ABTB3: variants seen among roughly 807,000 people sequenced by gnomAD.
The protein encoded by ABTB3 is ankyrin repeat- and BTB/POZ domain-containing protein 3.
the ABTB3 span, among the ~76,000 whole-genome samples, chr12:107,647,027 G>A: frequency 3.3e-5 from 5 of 152,224 alleles, no homozygotes; most frequent in Admixed American, 3.3e-4. Context: ...TGAGTGGTCC[G>A]AGCATAAAAG....
At chr12:107,631,114 T>C in the ABTB3 span, among the ~76,000 whole-genome samples, 1,914 of 152,290 alleles carry the variant, frequency 0.013, 24 homozygotes, top group Middle Eastern at 0.041. Flanking sequence ...CTCCTACCTC[T>C]TTTGGATCCC....
chr12:107,534,580 TA>T, the ABTB3 span, among the ~76,000 whole-genome samples: 2 of 151,752 alleles, frequency 1.3e-5, no homozygotes, highest in Admixed American at 1.3e-4. Flanking sequence ...AAGTCCCAAA[TA>T]AATAAAATCA....
chr12:107,440,163 G>A, the ABTB3 span, among the ~76,000 whole-genome samples: 15 of 152,262 alleles, frequency 9.9e-5, no homozygotes, highest in East Asian at 2.1e-3. Context: ...TCATCACTGC[G>A]GTCAGCATCC....
the ABTB3 span, among the ~76,000 whole-genome samples, chr12:107,615,475 G>A: frequency 5.9e-5 from 9 of 152,168 alleles, no homozygotes; most frequent in East Asian, 1.9e-4. Flanking sequence ...TTTGCTTGTC[G>A]CAACATGAAC....
At chr12:107,351,444 GCCTGGCTTCTAATGC>G in the ABTB3 span, among the ~76,000 whole-genome samples, 1 of 152,316 alleles carries the variant, frequency 6.6e-6, no homozygotes, top group African/African-American at 2.4e-5. Flanking sequence ...TGGAGGAATG[GCCTGGCTTCTAATGC>G]CCTACTATGA....
chr12:107,414,520 A>C, the ABTB3 span, among the ~76,000 whole-genome samples: 1,253 of 152,262 alleles, frequency 8.2e-3, 26 homozygotes, highest in African/African-American at 0.028. Context: ...TATTGGCAAT[A>C]ATATAGTAAC....
At chr12:107,347,868 G>A in the ABTB3 span, among the ~76,000 whole-genome samples, 1 of 152,078 alleles carries the variant, frequency 6.6e-6, no homozygotes, top group South Asian at 2.1e-4. Context: ...AGGACATCCA[G>A]ATGTGCAGTT....
At chr12:107,593,961 C>G in the ABTB3 span, among the ~76,000 whole-genome samples, 1 of 152,212 alleles carries the variant, frequency 6.6e-6, no homozygotes, top group African/African-American at 2.4e-5. Context: ...GCAAGAGATT[C>G]TGGGAAATGT....
the ABTB3 span, among the ~76,000 whole-genome samples, chr12:107,531,557 C>A: frequency 6.6e-6 from 1 of 152,104 alleles, no homozygotes; most frequent in African/African-American, 2.4e-5. Flanking sequence ...TGTCTCCGTT[C>A]CTCTCAATCC....
chr12:107,649,290 T>G, the ABTB3 span: 1 of 1,608,408 alleles, frequency 6.2e-7, no homozygotes, highest in Non-Finnish European at 8.5e-7. Context: ...GGATCCATTG[T>G]GGTGTTGGCT....
chr12:107,377,928 A>G, the ABTB3 span, among the ~76,000 whole-genome samples: 1 of 152,240 alleles, frequency 6.6e-6, no homozygotes, highest in African/African-American at 2.4e-5. Flanking sequence ...CAGAAGGACC[A>G]CAACACACAC....
the ABTB3 span, chr12:107,651,860 C>T: frequency 7.7e-7 from 1 of 1,291,004 alleles, no homozygotes. Flanking sequence ...TTGGCAAACA[C>T]AGAGGCAGGG....
chr12:107,417,748 G>T, the ABTB3 span, among the ~76,000 whole-genome samples: 6 of 152,206 alleles, frequency 3.9e-5, no homozygotes, highest in South Asian at 1.2e-3. Context: ...ATTGTGCTCG[G>T]CTCACACTGC....
chr12:107,564,104 G>C, the ABTB3 span, among the ~76,000 whole-genome samples: 9 of 149,920 alleles, frequency 6.0e-5, no homozygotes, highest in South Asian at 4.3e-4. Context: ...GTGTGTGTGT[G>C]TGTGTGTGTG....
chr12:107,508,513 G>A, the ABTB3 span, among the ~76,000 whole-genome samples: 1 of 134,524 alleles, frequency 7.4e-6, no homozygotes. Flanking sequence ...GTGGTGCAGT[G>A]GCATGATCTC....
chr12:107,478,854 C>T, the ABTB3 span, among the ~76,000 whole-genome samples: 1 of 152,010 alleles, frequency 6.6e-6, no homozygotes, highest in African/African-American at 2.4e-5. Context: ...CAAAATGGCC[C>T]TCAGTCCCCA....
the ABTB3 span, among the ~76,000 whole-genome samples, chr12:107,601,312 G>A: frequency 6.6e-6 from 1 of 152,216 alleles, no homozygotes; most frequent in Non-Finnish European, 1.5e-5. Context: ...CAGACACTCA[G>A]ACCTTCGCCT....
At chr12:107,370,753 A>C in the ABTB3 span, among the ~76,000 whole-genome samples, 1 of 140,860 alleles carries the variant, frequency 7.1e-6, no homozygotes, top group African/African-American at 2.8e-5. Flanking sequence ...CTATCAAAAA[A>C]GGGATTTTTT....
chr12:107,399,394 C>T, the ABTB3 span, among the ~76,000 whole-genome samples: 2 of 152,180 alleles, frequency 1.3e-5, no homozygotes, highest in Admixed American at 6.5e-5. Context: ...CCCCACCCCC[C>T]AAACCCATTC....
Sources: gnomAD v4.1 joint callset for allele counts (sites outside exome capture counted in the v4.1 genomes callset) on GRCh38, gnomAD v4.1.1 for gene constraint, MANE v1.5 for transcripts, NCBI Gene and HGNC (gene_info 2026-07-23, HGNC 2026-07-21) for gene names.